PARP11: variants seen among roughly 807,000 people sequenced by gnomAD.
PARP11 encodes the protein poly(ADP-ribose) polymerase family member 11.
Under a neutral mutation model 42.9 loss-of-function variants are expected in PARP11, and 31 were observed. The ratio of observed to expected loss-of-function variants is 0.72; its 90% CI spans 0.54 to 0.98. The LOEUF is 0.98. PARP11 is among the 50% of genes least tolerant of loss of function. The pLI is 0.00. For synonymous variants in PARP11, 137 were observed against 127.3 expected (o/e 1.08, Z -0.51); for missense variants, 365 against 413.1 (o/e 0.88, Z 1.01).
chr12:3,855,669 A>T (rs569612516), intron 1 of PARP11, among the ~76,000 whole-genome samples: 7 of 152,230 alleles, frequency 4.6e-5, no homozygotes, highest in Non-Finnish European at 1.0e-4. Context: ...ATGGATAGGA[A>T]GAATCAATAT....
chr12:3,872,655 G>A (rs1054374117), intron 1 of PARP11: 3 of 985,180 alleles, frequency 3.0e-6, no homozygotes, highest in African/African-American at 1.7e-5. Context: ...GAGAACTGAT[G>A]GCTCCTCTTA....
rs1476292115 is a variant in PARP11, at chr12:3,840,298, C to T, written c.19-10280G>A. On this transcript the variant is annotated intron_variant, in intron 1 of 7. Coordinates refer to ENST00000228820, the MANE Select transcript of PARP11 (RefSeq NM_020367.6). The surrounding 1 kb of genome is among the most constrained non-coding windows in gnomAD (Gnocchi z 4.4). Reference sequence around the variant, plus strand: ...ATCAAAGAACCTCAAGGCACCTCCCCCAGAAAGCTGGAACACAGTGTCAGG... The same window carrying T: ...ATCAAAGAACCTCAAGGCACCTCCCTCAGAAAGCTGGAACACAGTGTCAGG... 5.0e-6 allele frequency: 8 copies of T among 1,614,118 alleles called. No homozygotes were observed. Among genetic ancestry groups the T allele is most frequent in the Non-Finnish European group, 6.8e-6 (8 of 1,179,978 alleles).
chr12:3,841,983 A>G, intron 1 of PARP11: 1 of 1,611,000 alleles, frequency 6.2e-7, no homozygotes, highest in Non-Finnish European at 8.5e-7. Context: ...AAGGCCGGAC[A>G]GAGCAATCTT....
At chr12:3,815,174 T>G (rs1803603882) in intron 6 of PARP11, 1 of 427,204 alleles carries the variant, frequency 2.3e-6, no homozygotes, top group Admixed American at 2.7e-5. Context: ...AAAAATCATA[T>G]TTTAAAAATT....
In PARP11 at chr12:3,810,806, A is replaced by G. The variant is rs189748062; in HGVS notation, c.*1317T>C. The G allele has an allele frequency of 6.6e-6, 1 of 152,098 alleles. No individual in the cohort carries two copies. Among genetic ancestry groups the G allele is most frequent in the Non-Finnish European group, 1.5e-5 (1 of 68,094 alleles). 9.4% of individuals were successfully genotyped at this position (152,098 alleles called of 1,614,324 possible). On this transcript the variant is annotated 3_prime_UTR_variant, in exon 8 of 8. Transcript: ENST00000228820. Reference sequence around the variant, plus strand: ...GAGAAGAGGAAGAGGAAGACAGAAGAGAAGAGAAAGAAGAGAAGAGAAAGA... The same window carrying G: ...GAGAAGAGGAAGAGGAAGACAGAAGGGAAGAGAAAGAAGAGAAGAGAAAGA...
At chr12:3,844,138 C>T (rs544166280) in intron 1 of PARP11, among the ~76,000 whole-genome samples, 30 of 152,256 alleles carry the variant, frequency 2.0e-4, no homozygotes, top group African/African-American at 6.5e-4. Flanking sequence ...AATTACCTAA[C>T]GTCCGTGTAA....
intron 1 of PARP11, among the ~76,000 whole-genome samples, chr12:3,833,882 G>C (rs546852194): frequency 1.3e-5 from 2 of 152,266 alleles, no homozygotes; most frequent in African/African-American, 4.8e-5. Context: ...CCAGTCTGTG[G>C]CTAGTTTTAC....
At chr12:3,831,101 C>A (rs1255042308) in intron 1 of PARP11, among the ~76,000 whole-genome samples, 1 of 152,150 alleles carries the variant, frequency 6.6e-6, no homozygotes, top group Non-Finnish European at 1.5e-5. Flanking sequence ...ACAACTACTA[C>A]ATAAAAAATA....
chr12:3,852,658 T>A lies in PARP11; in HGVS notation c.18+20554A>T, dbSNP rs529094069. ...TGAAAAGACCAAATCTATGTTTGAT[T>A]GGTGTACCTGAAAGTGACGGGGCGA... is the stretch of plus-strand genomic sequence containing the variant. On this transcript the variant is annotated intron_variant, in intron 1 of 7. Coordinates refer to ENST00000228820, the MANE Select transcript of PARP11 (RefSeq NM_020367.6). Among the ~76,000 whole-genome samples, 115 of 152,350 alleles carry A rather than the reference T, an allele frequency of 7.5e-4. No homozygotes were observed. The South Asian group carries it at 0.012, about 16-fold the overall frequency.
chr12:3,872,123 C>G (rs1297888282), intron 1 of PARP11, among the ~76,000 whole-genome samples: 3 of 152,180 alleles, frequency 2.0e-5, no homozygotes, highest in African/African-American at 7.2e-5. Flanking sequence ...GGACCTTCCT[C>G]CTCCGTAGGA....
intron 1 of PARP11, among the ~76,000 whole-genome samples, chr12:3,846,176 C>T (rs1239037229): frequency 6.6e-6 from 1 of 151,272 alleles, no homozygotes; most frequent in Non-Finnish European, 1.5e-5. Context: ...GTTTTGTAGC[C>T]TTAAGAAGTG....
At chr12:3,867,511 A>T (rs1412769568) in intron 1 of PARP11, among the ~76,000 whole-genome samples, 1 of 152,204 alleles carries the variant, frequency 6.6e-6, no homozygotes, top group Non-Finnish European at 1.5e-5. Context: ...TATAGCAGAG[A>T]TATATCTAGA....
chr12:3,846,627 G>A (rs1244179948), intron 1 of PARP11, among the ~76,000 whole-genome samples: 1 of 151,906 alleles, frequency 6.6e-6, no homozygotes, highest in African/African-American at 2.4e-5. Context: ...TGTGGTGGCA[G>A]GCGCCTGTAG....
intron 6 of PARP11, among the ~76,000 whole-genome samples, chr12:3,820,101 C>G (rs1947363258): frequency 6.6e-6 from 1 of 152,162 alleles, no homozygotes; most frequent in Admixed American, 6.5e-5. Flanking sequence ...TGTGCTGACC[C>G]CTACATTTCT....
rs1387744539 is a variant in PARP11 at position 3,859,002 on chromosome 12, C to A, written c.18+14210G>T. 1.2e-4 allele frequency among the ~76,000 whole-genome samples: 18 copies of A among 149,244 alleles called. 1 individual carries two copies. Among genetic ancestry groups the A allele is most frequent in the Non-Finnish European group, 2.7e-4 (18 of 67,588 alleles). ...ATCCCAGTTACTTGGGAGGCTGAGG[C>A]AGGAGGATCATTTGAACCCAGGAGG... On this transcript the variant is annotated intron_variant, in intron 1 of 7. Transcript: ENST00000228820.
In PARP11 at chr12:3,840,883, A is replaced by C. The variant is rs562106510; in HGVS notation, c.19-10865T>G. On this transcript the variant is annotated intron_variant, in intron 1 of 7. Transcript: ENST00000228820. This position sits in a 1 kb window ranked among gnomAD's most constrained non-coding sequence, Gnocchi z 4.4. ...GCCAGCAGAACATGTGTCTTTGTCA[A>C]ATCCAGCTCCCCTTCTAGTTTCTCC... 89 of 1,601,190 alleles carry C rather than the reference A, an allele frequency of 5.6e-5. 2 individuals carry two copies. The South Asian group carries it at 8.5e-4, about 15-fold the overall frequency.
At chr12:3,823,878 T>G (rs1947459200) in intron 4 of PARP11, among the ~76,000 whole-genome samples, 1 of 149,592 alleles carries the variant, frequency 6.7e-6, no homozygotes, top group Non-Finnish European at 1.5e-5. Context: ...ATGGCACCAC[T>G]GCACTCCAGC....
rs986391029 is a variant in PARP11, at chr12:3,810,291, A to G, written c.*1832T>C. 1.3e-5 allele frequency: 2 copies of G among 152,228 alleles called. No homozygotes were observed. 9.4% of individuals were successfully genotyped at this position (152,228 alleles called of 1,614,324 possible). On this transcript the variant is annotated 3_prime_UTR_variant, in exon 8 of 8. Coordinates refer to ENST00000228820, the MANE Select transcript of PARP11 (RefSeq NM_020367.6). ...GGTATACGTGCTGTCTTTTAAAGGCAGAATCATAGAAAATCAGGCCGGGTA... is the reference window on the plus strand; with the variant it reads ...GGTATACGTGCTGTCTTTTAAAGGCGGAATCATAGAAAATCAGGCCGGGTA...
intron 1 of PARP11, among the ~76,000 whole-genome samples, chr12:3,847,358 C>A (rs940731527): frequency 6.6e-6 from 1 of 152,062 alleles, no homozygotes; most frequent in African/African-American, 2.4e-5. Context: ...CCAATAAGGA[C>A]ACAACAAACA....
Sources: gnomAD v4.1 joint callset for allele counts (sites outside exome capture counted in the v4.1 genomes callset) on GRCh38, gnomAD v4.1.1 for gene constraint, Gnocchi (gnomAD v3.1) non-coding constraint, MANE v1.5 for transcripts, NCBI Gene and HGNC (gene_info 2026-07-23, HGNC 2026-07-21) for gene names.